Variants in HIPK1 observed in about 807,000 individuals in gnomAD.
HIPK1 encodes homeodomain-interacting protein kinase 1.
A neutral mutation model predicts 117.1 loss-of-function variants in HIPK1; 28 were observed. The ratio of observed to expected loss-of-function variants is 0.24; its 90% CI spans 0.18 to 0.33. HIPK1 has a LOEUF of 0.33. HIPK1 is among the 10% of genes least tolerant of loss of function. HIPK1 has a pLI of 1.00. For synonymous variants in HIPK1, 605 were observed against 562.5 expected (o/e 1.08, Z -1.07); for missense variants, 1,122 against 1,475.1 (o/e 0.76, Z 3.92).
chr1:113,970,794 A>C lies in HIPK1; in HGVS notation c.3013+597A>C, dbSNP rs1180185933. The stretch of plus-strand genomic sequence containing the variant: ...TTGTAGCATAACATAGTAGAATTTT[A>C]CTTCTCTCTCATATAATTTCTTGGT... On this transcript the variant is annotated intron_variant, in intron 14 of 15. Transcript: ENST00000426820. 2.6e-5 allele frequency among the ~76,000 whole-genome samples: 4 copies of C among 152,312 alleles called. No individual in the cohort carries two copies. In the East Asian group the frequency reaches 7.7e-4, roughly 29 times the overall value.
At position 113,968,424 on chromosome 1, in the gene HIPK1, T is replaced by C; in HGVS notation, c.2565-18T>C. On this transcript the variant is annotated intron_variant, in intron 12 of 15. Transcript: ENST00000426820. ...GGCCAAGGACTGAATCATCTTTCCA[T>C]GTGAACTTTTCCTACAGGTCCTCTC... 4 of 1,582,796 alleles carry C rather than the reference T, an allele frequency of 2.5e-6. No homozygotes were observed. The highest frequency in any genetic ancestry group is 2.2e-5 in the East Asian group (1 of 44,740).
Position 113,969,947 on chromosome 1 carries a change from T to C in HIPK1, c.2772-9T>C, listed in dbSNP as rs758992105. 2 of 1,613,682 alleles carry C rather than the reference T, an allele frequency of 1.2e-6. No homozygotes were observed. The highest frequency in any genetic ancestry group is 8.5e-7 in the Non-Finnish European group (1 of 1,179,646). ...CAATTCAATTTTCATGTATTTTTCT[T>C]TTCCTCAGCTCTGGACTGAAGCCAA... is the stretch of plus-strand genomic sequence containing the variant. On this transcript the variant is annotated splice_polypyrimidine_tract_variant and intron_variant, in intron 13 of 15. Transcript: ENST00000426820.
At chr1:113,971,034 T>C (rs527325488) in intron 14 of HIPK1, among the ~76,000 whole-genome samples, 1 of 152,290 alleles carries the variant, frequency 6.6e-6, no homozygotes, top group African/African-American at 2.4e-5. Flanking sequence ...GTTGGTGAAG[T>C]TTAGGTGTCA....
At chr1:113,971,629 T>C (rs1672828728) in intron 14 of HIPK1, among the ~76,000 whole-genome samples, 195 bp from the exon 15 acceptor site, 1 of 152,172 alleles carries the variant, frequency 6.6e-6, no homozygotes, top group African/African-American at 2.4e-5. Flanking sequence ...AGTGAACATT[T>C]TGAGGATCCT....
At chr1:113,929,580 C>T (rs1346411961) in intron 1 of HIPK1, 48 bp downstream of exon 1, 2 of 1,257,922 alleles carry the variant, frequency 1.6e-6, no homozygotes, top group East Asian at 1.1e-4. Flanking sequence ...CGAGGCGGGG[C>T]CGGCCGGGTT....
chr1:113,961,942 CAAAAAAA>C (rs957986733), intron 8 of HIPK1, among the ~76,000 whole-genome samples: 18 of 32,302 alleles, frequency 5.6e-4, no homozygotes, highest in African/African-American at 1.3e-3. Context: ...GACTCCATCT[CAAAAAAA>C]AAAAAAAAAA....
chr1:113,967,885 GACA>G lies in HIPK1; in HGVS notation c.2509_2511del (p.Gln837del), dbSNP rs769964259. 1.7e-5 allele frequency: 27 copies of G among 1,611,712 alleles called. No homozygotes were observed. Among genetic ancestry groups the G allele is most frequent in the Non-Finnish European group, 2.2e-5 (26 of 1,179,474 alleles). ...AATGTTGGTGTTGCCCATGTTGTCA[GACA>G]ACAACAATCCAGTTCCCTCCCTTCG... On this transcript the variant is annotated inframe_deletion, in exon 12 of 16. Transcript: ENST00000426820.
chr1:113,935,677 C>T (rs1241712035), intron 1 of HIPK1, among the ~76,000 whole-genome samples: 4 of 152,152 alleles, frequency 2.6e-5, no homozygotes, highest in Non-Finnish European at 4.4e-5. Context: ...ACAACCTTGC[C>T]AGCATCTGTT....
At chr1:113,932,409 G>A (rs988003333) in intron 1 of HIPK1, among the ~76,000 whole-genome samples, 2 of 136,730 alleles carry the variant, frequency 1.5e-5, no homozygotes, top group Admixed American at 1.6e-4. Context: ...ACAAGATCTC[G>A]CCCTGTCGCC....
intron 2 of HIPK1, among the ~76,000 whole-genome samples, chr1:113,950,599 G>A (rs185835700): frequency 6.6e-6 from 1 of 152,216 alleles, no homozygotes; most frequent in East Asian, 1.9e-4. Flanking sequence ...TGCCTCCCAA[G>A]TTTAAGTAAT....
chr1:113,964,098 C>T (rs1414509115), intron 10 of HIPK1, among the ~76,000 whole-genome samples: 2 of 152,176 alleles, frequency 1.3e-5, no homozygotes, highest in African/African-American at 4.8e-5. Context: ...GAAGATAGCT[C>T]TTTTTGCCAC....
Position 113,966,219 on chromosome 1 carries a change from C to T in HIPK1, c.2328C>T (p.Pro776=). ...TAGCTCTACACAACTCTGTCCAGCC[C>T]ACAGCAATGATTCCAGAGGCCATGG... ...PGVALHNSVQ[P]TAMIPEAMGS... The change falls in exon 11 of 16, where the codon CCC becomes CCT. Residue 776 remains proline (P), a synonymous_variant. Coordinates refer to ENST00000426820, the MANE Select transcript of HIPK1 (RefSeq NM_198268.3). 1 of 1,614,102 alleles carries T rather than the reference C, an allele frequency of 6.2e-7. No individual in the cohort carries two copies.
At chr1:113,952,361 T>A (rs1354326159) in intron 2 of HIPK1, among the ~76,000 whole-genome samples, 1 of 152,000 alleles carries the variant, frequency 6.6e-6, no homozygotes, top group Non-Finnish European at 1.5e-5. Context: ...TAAATGAAAA[T>A]TTTTCTTTAA....
Position 113,977,517 on chromosome 1 carries a change from A to G in HIPK1, c.*4005A>G, listed in dbSNP as rs1391787382. On this transcript the variant is annotated 3_prime_UTR_variant, in exon 16 of 16. Coordinates refer to ENST00000426820, the MANE Select transcript of HIPK1 (RefSeq NM_198268.3). ...TTTTTGGTTGTGCGCTTTCTTTTAC[A>G]ACAAGCCTCTAGAAACAGATAGTTT... 1 of 152,738 alleles carries G rather than the reference A, an allele frequency of 6.5e-6. No homozygotes were observed. The highest frequency in any genetic ancestry group is 1.5e-5 in the Non-Finnish European group (1 of 68,028). 9.5% of individuals were successfully genotyped at this position (152,738 alleles called of 1,614,324 possible).
At position 113,940,889 on chromosome 1, in the gene HIPK1, C is replaced by A; in HGVS notation, c.506C>A (p.Ser169Tyr). The A allele has an allele frequency of 6.2e-7, 1 of 1,614,120 alleles. No individual in the cohort carries two copies. The highest frequency in any genetic ancestry group is 8.5e-7 in the Non-Finnish European group (1 of 1,180,040). ...ACTGTGACCACAAAGAGTAGCAGTTCCAGCGGAGAAGGGGATTACCAGCTG... is the reference window on the plus strand; with the variant it reads ...ACTGTGACCACAAAGAGTAGCAGTTACAGCGGAGAAGGGGATTACCAGCTG... ...TTTVTTKSSSSSGEGDYQLVQ... is the reference protein window; with the variant it reads ...TTTVTTKSSSYSGEGDYQLVQ... The change falls in exon 2 of 16, where the codon TCC becomes TAC. Residue 169 changes from serine (S) to tyrosine (Y), a missense_variant. Physicochemically the swap from Ser to Tyr is moderately radical, Grantham distance 144. Transcript: ENST00000426820.
chr1:113,968,775 C>T lies in HIPK1; in HGVS notation c.2771+127C>T, dbSNP rs1011378167. 4.1e-6 allele frequency: 3 copies of T among 733,284 alleles called. No individual in the cohort carries two copies. The South Asian group carries it at 5.0e-5, about 12-fold the overall frequency. 45.4% of individuals were successfully genotyped at this position (733,284 alleles called of 1,614,324 possible). On this transcript the variant is annotated intron_variant, in intron 13 of 15. Transcript: ENST00000426820. The stretch of plus-strand genomic sequence containing the variant: ...GTGGCTCACGCCTGTAATCCCAGCA[C>T]TTTGGGAGGTTGAGGCCAGCAGATC...
At position 113,962,379 on chromosome 1, in the gene HIPK1, A is replaced by T; in HGVS notation, c.2044A>T (p.Ile682Phe). 6.2e-7 allele frequency: 1 copy of T among 1,613,966 alleles called. No homozygotes were observed. The highest frequency in any genetic ancestry group is 1.1e-5 in the South Asian group (1 of 91,088). ...TGTGAGGATGGATAATGCTGTACCG[A>T]TTGTACCCCAGGCACCAGCTGCTCA... is the stretch of plus-strand genomic sequence containing the variant. ...FPVRMDNAVP[I>F]VPQAPAAQPL... is the part of the protein sequence containing the mutation. Residue 682 changes from isoleucine to phenylalanine, a missense_variant, in exon 9 of 16, where the codon ATT becomes TTT. Coordinates refer to ENST00000426820, the MANE Select transcript of HIPK1 (RefSeq NM_198268.3).
At position 113,970,016 on chromosome 1, in the gene HIPK1, C is replaced by T; in HGVS notation, c.2832C>T (p.Asp944=). Reference sequence around the variant, plus strand: ...ATGTCACTGTCAATGATTCTCCAGACTCTGACTCTTCTTTGAGCAGCCCTT... The same window carrying T: ...ATGTCACTGTCAATGATTCTCCAGATTCTGACTCTTCTTTGAGCAGCCCTT... ...ISYVTVNDSP[D]SDSSLSSPYS... The change falls in exon 14 of 16, where the codon GAC becomes GAT. Residue 944 remains aspartate (D), a synonymous_variant. Coordinates refer to ENST00000426820, the MANE Select transcript of HIPK1 (RefSeq NM_198268.3). 6.2e-7 allele frequency: 1 copy of T among 1,614,168 alleles called. No homozygotes were observed. The highest frequency in any genetic ancestry group is 8.5e-7 in the Non-Finnish European group (1 of 1,179,980).
At chr1:113,971,692 T>C in intron 14 of HIPK1, 132 bp from the exon 15 acceptor site, 1 of 737,094 alleles carries the variant, frequency 1.4e-6, no homozygotes, top group South Asian at 2.5e-5. Flanking sequence ...CAGGTTATTT[T>C]CTTCTGATGT....
Sources: allele counts gnomAD v4.1 joint callset (sites outside exome capture counted in the v4.1 genomes callset), GRCh38; gene constraint gnomAD v4.1.1; transcripts MANE v1.5; gene names NCBI Gene and HGNC (gene_info 2026-07-23, HGNC 2026-07-21).